The following PTPN3 variants were observed in gnomAD, a reference collection of about 807,000 sequenced individuals.
The protein encoded by PTPN3 is protein tyrosine phosphatase non-receptor type 3, also known as tyrosine-protein phosphatase non-receptor type 3.
Under a neutral mutation model 132.7 loss-of-function variants are expected in PTPN3, and 96 were observed. The observed-to-expected ratio is 0.72, with a 90% CI of 0.61 to 0.86. PTPN3 has a LOEUF of 0.86. PTPN3 is among the 40% of genes least tolerant of loss of function. The pLI, the probability that PTPN3 is intolerant of heterozygous loss-of-function variation, is 0.00. For synonymous variants in PTPN3, 398 were observed against 429.0 expected (o/e 0.93, Z 0.89); for missense variants, 1,125 against 1,159.6 (o/e 0.97, Z 0.43).
chr9:109,474,113 C>A (rs1228174437), intron 1 of PTPN3, among the ~76,000 whole-genome samples: 1 of 151,988 alleles, frequency 6.6e-6, no homozygotes, highest in Non-Finnish European at 1.5e-5. Context: ...CCCCACTGCG[C>A]GCCACCTTGG....
At chr9:109,469,786 TG>T (rs989867932) in intron 1 of PTPN3, among the ~76,000 whole-genome samples, 2 of 152,172 alleles carry the variant, frequency 1.3e-5, no homozygotes, top group Non-Finnish European at 2.9e-5. Context: ...GAATCATGGG[TG>T]GCTCACTACA....
At position 109,401,246 on chromosome 9, in the gene PTPN3, T is replaced by C. The variant is rs1841067824; in HGVS notation, c.1953+3202A>G. 2.0e-5 allele frequency among the ~76,000 whole-genome samples: 3 copies of C among 152,164 alleles called. No individual in the cohort carries two copies. In the South Asian group the frequency reaches 6.2e-4, roughly 32 times the overall value. On this transcript the variant is annotated intron_variant, in intron 19 of 25. Coordinates refer to ENST00000374541, the MANE Select transcript of PTPN3 (RefSeq NM_002829.4). ...CAAAGCCTCGGATGCACAGCAGTGG[T>C]TCCGGTTGGGTCTTCACCTCCTCTC...
chr9:109,525,105 G>GCATGAT, the PTPN3 span, among the ~76,000 whole-genome samples: 3 of 151,944 alleles, frequency 2.0e-5, no homozygotes, highest in African/African-American at 7.3e-5. Flanking sequence ...AGGTGCAGTG[G>GCATGAT]CATGATCATG....
At chr9:109,536,335 C>T in the PTPN3 span, among the ~76,000 whole-genome samples, 2 of 152,116 alleles carry the variant, frequency 1.3e-5, no homozygotes. Flanking sequence ...CCATGTATAC[C>T]GATCTTCAAT....
chr9:109,391,358 G>A (rs1358344245), intron 20 of PTPN3, 113 bp downstream of exon 20: 34 of 1,301,586 alleles, frequency 2.6e-5, no homozygotes, highest in South Asian at 9.5e-5. Context: ...AATAAAGACG[G>A]TGGTGTTTAC....
At chr9:109,479,074 T>G (rs1008852387) in intron 1 of PTPN3, among the ~76,000 whole-genome samples, 1 of 152,110 alleles carries the variant, frequency 6.6e-6, no homozygotes, top group Non-Finnish European at 1.5e-5. Flanking sequence ...CATTTTTAAG[T>G]GTACAATTCA....
the PTPN3 span, among the ~76,000 whole-genome samples, chr9:109,527,391 G>A: frequency 1.3e-5 from 2 of 152,158 alleles, no homozygotes; most frequent in African/African-American, 2.4e-5. Context: ...AGCCAGGGGC[G>A]GGGAGGTTGC....
chr9:109,493,406 C>A (rs1177847614), intron 1 of PTPN3, among the ~76,000 whole-genome samples: 1 of 137,148 alleles, frequency 7.3e-6, no homozygotes, highest in African/African-American at 2.6e-5. Flanking sequence ...GGCTAAAATG[C>A]ACTGTTTGTT....
intron 9 of PTPN3, 114 bp from the exon 10 acceptor site, chr9:109,433,275 G>A (rs564006128): frequency 4.9e-6 from 7 of 1,419,802 alleles, no homozygotes; most frequent in Non-Finnish European, 6.5e-6. Flanking sequence ...CTCCAAATGG[G>A]AAAATGCTAC....
the PTPN3 span, among the ~76,000 whole-genome samples, chr9:109,505,938 A>G: frequency 6.6e-6 from 1 of 151,738 alleles, no homozygotes; most frequent in African/African-American, 2.4e-5. Context: ...TTTTTAGTAG[A>G]GACAGGGTTT....
chr9:109,475,399 C>T (rs10979884), intron 1 of PTPN3, among the ~76,000 whole-genome samples: 30,887 of 152,140 alleles, frequency 0.2, 3,572 homozygotes, highest in South Asian at 0.39. Flanking sequence ...CCCATCAAAC[C>T]GTGAAATAGG....
At chr9:109,409,417 C>A (rs552391730) in intron 16 of PTPN3, among the ~76,000 whole-genome samples, 1 of 152,206 alleles carries the variant, frequency 6.6e-6, no homozygotes, top group Non-Finnish European at 1.5e-5. Flanking sequence ...AAAATACTGA[C>A]CTTACCACTT....
rs184811429 is a variant in PTPN3, at chr9:109,453,382, A to T, written c.368+1114T>A. Among the ~76,000 whole-genome samples, 191 of 152,298 alleles carry T rather than the reference A, an allele frequency of 1.3e-3. 1 individual carries two copies. Among genetic ancestry groups the T allele is most frequent in the African/African-American group, 4.4e-3 (184 of 41,556 alleles). ...CTTTTTTTCTATAGCTTCCCTCCCT[A>T]AGAAAAATAAATGGATCAATAATAA... On this transcript the variant is annotated intron_variant, in intron 5 of 25. Coordinates refer to ENST00000374541, the MANE Select transcript of PTPN3 (RefSeq NM_002829.4).
chr9:109,391,152 C>T lies in PTPN3; in HGVS notation c.2092G>A (p.Ala698Thr). Residue 698 changes from alanine to threonine, a missense_variant, in exon 21 of 26, where the codon GCA becomes ACA. By Grantham distance (58) the Ala-to-Thr change is moderately conservative. Transcript: ENST00000374541. ...TCCTAACTTACGTTCACGTAACTTGCATTAATATAATCTTCATTTCCCTGC... is the reference window on the plus strand; with the variant it reads ...TCCTAACTTACGTTCACGTAACTTGTATTAATATAATCTTCATTTCCCTGC... The part of the protein sequence containing the change: ...LLQGNEDYIN[A>T]SYVNMEIPAA... The T allele has an allele frequency of 6.2e-7, 1 of 1,613,496 alleles. No homozygotes were observed. The highest frequency in any genetic ancestry group is 8.5e-7 in the Non-Finnish European group (1 of 1,179,604).
At chr9:109,391,649 A>G (rs1253327270) in intron 19 of PTPN3, 88 bp from the exon 20 acceptor site, 3 of 1,072,652 alleles carry the variant, frequency 2.8e-6, no homozygotes, top group Non-Finnish European at 4.1e-6. Flanking sequence ...CAGTACCAAA[A>G]TCTTAACATT....
At chr9:109,415,435 AACAC>A (rs753224981) in intron 14 of PTPN3, among the ~76,000 whole-genome samples, 1 of 152,212 alleles carries the variant, frequency 6.6e-6, no homozygotes, top group African/African-American at 2.4e-5. Flanking sequence ...GATAATAACA[AACAC>A]ACAAACAAAA....
intron 1 of PTPN3, among the ~76,000 whole-genome samples, chr9:109,473,674 G>A (rs146678245): frequency 4.9e-4 from 74 of 152,298 alleles, no homozygotes; most frequent in Admixed American, 7.2e-4. Context: ...TTGCCTTGAA[G>A]CCGGCAGAAA....
At chr9:109,490,855 GT>G (rs59097484) in intron 1 of PTPN3, among the ~76,000 whole-genome samples, 3 of 147,074 alleles carry the variant, frequency 2.0e-5, no homozygotes, top group Non-Finnish European at 4.5e-5. Flanking sequence ...ATTTATAAGA[GT>G]TTTTTTTTTT....
intron 19 of PTPN3, chr9:109,392,474 A>G (rs1449248064): frequency 6.6e-6 from 1 of 151,916 alleles, no homozygotes; most frequent in Non-Finnish European, 1.5e-5. Flanking sequence ...CTTTTTGTAT[A>G]TTTTCTCCAG....
Sources: allele counts gnomAD v4.1 joint callset (sites outside exome capture counted in the v4.1 genomes callset), GRCh38; gene constraint gnomAD v4.1.1; transcripts MANE v1.5; gene names NCBI Gene and HGNC (gene_info 2026-07-23, HGNC 2026-07-21).